Variants in DOCK2 observed in about 807,000 individuals in gnomAD.
The protein encoded by DOCK2 is dedicator of cytokinesis 2, also known as dedicator of cytokinesis protein 2.
Under a neutral mutation model 248.9 loss-of-function variants are expected in DOCK2, and 87 were observed. The observed-to-expected ratio is 0.35, with a 90% CI of 0.29 to 0.42. The LOEUF (loss-of-function observed/expected upper bound fraction) is 0.42, where lower values mean the gene tolerates loss of function less well. Among genes scored for constraint, DOCK2 ranks in the 10% least tolerant of loss-of-function variants. The probability of loss-of-function intolerance (pLI) is 1.00; values close to 1 mark genes in which losing one functional copy is unlikely to be tolerated. For synonymous variants in DOCK2, 805 were observed against 821.6 expected (o/e 0.98, Z 0.35); for missense variants, 1,747 against 2,300.2 (o/e 0.76, Z 4.92).
At chr5:169,683,192 A>T (rs1359043160) in intron 7 of DOCK2, among the ~76,000 whole-genome samples, 1 of 152,150 alleles carries the variant, frequency 6.6e-6, no homozygotes, top group Non-Finnish European at 1.5e-5. Flanking sequence ...ATAACTTTTT[A>T]AGGTATTGCC....
intron 27 of DOCK2, among the ~76,000 whole-genome samples, chr5:169,939,512 C>T (rs1457067505): frequency 6.6e-6 from 1 of 152,102 alleles, no homozygotes; most frequent in Non-Finnish European, 1.5e-5. Context: ...AAACCAGTAA[C>T]AGTCGTTTAT....
chr5:169,855,521 A>T (rs1269457794), intron 27 of DOCK2, among the ~76,000 whole-genome samples: 1 of 152,142 alleles, frequency 6.6e-6, no homozygotes, highest in African/African-American at 2.4e-5. Flanking sequence ...ATGCTCTAGG[A>T]TGGTAGTGGG....
At chr5:169,884,930 G>C (rs1260568154) in intron 27 of DOCK2, 4 of 152,172 alleles carry the variant, frequency 2.6e-5, no homozygotes, top group Non-Finnish European at 4.4e-5. Flanking sequence ...CTAGGAATAA[G>C]TCAACCACGT....
At chr5:169,909,584 A>G (rs534198692) in intron 27 of DOCK2, among the ~76,000 whole-genome samples, 1 of 152,244 alleles carries the variant, frequency 6.6e-6, no homozygotes, top group East Asian at 1.9e-4. Flanking sequence ...TTTCTTTTGG[A>G]TTAAGAAACA....
At chr5:170,080,711 G>A (rs1001506257) in intron 50 of DOCK2, 4 of 175,872 alleles carry the variant, frequency 2.3e-5, no homozygotes, top group Admixed American at 5.6e-5. Context: ...CAAAGTGTTT[G>A]GTGCATAGAT....
intron 35 of DOCK2, among the ~76,000 whole-genome samples, chr5:170,035,845 CTGGTG>C (rs1309215283): frequency 6.6e-6 from 1 of 152,074 alleles, no homozygotes; most frequent in Non-Finnish European, 1.5e-5. Context: ...GGATATACAC[CTGGTG>C]TGGCTCATGG....
In DOCK2 at chr5:169,762,735, C is replaced by G. The variant is rs75570862; in HGVS notation, c.2554+1110C>G. On this transcript the variant is annotated intron_variant, in intron 25 of 51. Coordinates refer to ENST00000520908, the MANE Select transcript of DOCK2 (RefSeq NM_004946.3). ...TTTTCTGTATCCTAAGACCCAGCCT[C>G]TCCAATTTTCAATTTCTCTATCCAC... Among the ~76,000 whole-genome samples, 39 of 152,300 alleles carry G rather than the reference C, an allele frequency of 2.6e-4. 1 individual carries two copies. In the East Asian group the frequency reaches 7.1e-3, roughly 28 times the overall value.
At chr5:170,001,167 A>G (rs2113802810) in intron 30 of DOCK2, among the ~76,000 whole-genome samples, 1 of 152,316 alleles carries the variant, frequency 6.6e-6, no homozygotes, top group East Asian at 1.9e-4. Flanking sequence ...AATCAGAAGC[A>G]TCCCCAGAGT....
At chr5:169,839,399 G>A (rs1225398816) in intron 26 of DOCK2, among the ~76,000 whole-genome samples, 5 of 152,194 alleles carry the variant, frequency 3.3e-5, no homozygotes, top group Non-Finnish European at 7.3e-5. Flanking sequence ...GAGGCTCAGA[G>A]AAGTGATAAG....
At position 169,810,186 on chromosome 5, in the gene DOCK2, T is replaced by C. The variant is rs78712675; in HGVS notation, c.2703+6980T>C. Among the ~76,000 whole-genome samples the C allele has an allele frequency of 3.4e-3, 518 of 152,168 alleles. 17 individuals are homozygous for C. The East Asian group carries it at 0.069, about 20-fold the overall frequency. The stretch of plus-strand genomic sequence containing the variant: ...TCTCCCTGGGGTCTTGTGCGCTGAG[T>C]GCTAGCAGGGTATTCTTCTTTTTGC... On this transcript the variant is annotated intron_variant, in intron 26 of 51. Coordinates refer to ENST00000520908, the MANE Select transcript of DOCK2 (RefSeq NM_004946.3).
At chr5:170,002,935 G>GA in intron 30 of DOCK2, among the ~76,000 whole-genome samples, 1 of 152,280 alleles carries the variant, frequency 6.6e-6, no homozygotes, top group Middle Eastern at 3.4e-3. Context: ...AGGGCAGAAA[G>GA]AAAAATCTGG....
At position 170,069,155 on chromosome 5, in the gene DOCK2, T is replaced by C. The variant is rs775868494; in HGVS notation, c.4663T>C (p.Tyr1555His). 6.2e-7 allele frequency: 1 copy of C among 1,613,840 alleles called. No individual in the cohort carries two copies. The highest frequency in any genetic ancestry group is 8.5e-7 in the Non-Finnish European group (1 of 1,179,898). ...KYEKAFFTEE[Y>H]VRDHPEDQDK... Reference sequence around the variant, plus strand: ...TCCCCAGGCCTTCTTCACTGAAGAGTATGTCAGGGACCACCCTGAGGACCA... The same window carrying C: ...TCCCCAGGCCTTCTTCACTGAAGAGCATGTCAGGGACCACCCTGAGGACCA... Residue 1555 changes from tyrosine (Y) to histidine (H), a missense_variant, in exon 46 of 52, where the codon TAT becomes CAT. Tyr to His is a moderately conservative substitution (Grantham distance 83). Coordinates refer to ENST00000520908, the MANE Select transcript of DOCK2 (RefSeq NM_004946.3).
In DOCK2 at chr5:169,882,217, T is replaced by C. The variant is rs564178949; in HGVS notation, c.2799+41365T>C. Reference sequence around the variant, plus strand: ...AGAGGAGGGGGATGGGGAAGTGCCTTCCTGCTATCATTTTCCCCCATCATG... The same window carrying C: ...AGAGGAGGGGGATGGGGAAGTGCCTCCCTGCTATCATTTTCCCCCATCATG... On this transcript the variant is annotated intron_variant, in intron 27 of 51. Transcript: ENST00000520908. Among the ~76,000 whole-genome samples, 7 of 152,310 alleles carry C rather than the reference T, an allele frequency of 4.6e-5. No individual in the cohort carries two copies. In the East Asian group the frequency reaches 1.2e-3, roughly 25 times the overall value.
rs570817772 is a variant in DOCK2 at position 170,054,103 on chromosome 5, A to C, written c.4214-1202A>C. ...GGTTCACAAGAGAGGGATGCTGATA[A>C]GGGAAAATGTTCCAAGGAAAGGAAG... On this transcript the variant is annotated intron_variant, in intron 41 of 51. Coordinates refer to ENST00000520908, the MANE Select transcript of DOCK2 (RefSeq NM_004946.3). 1.3e-4 allele frequency among the ~76,000 whole-genome samples: 20 copies of C among 152,358 alleles called. 1 individual carries two copies. Among genetic ancestry groups the C allele is most frequent in the South Asian group, 1.0e-3 (5 of 4,832 alleles).
At position 169,883,231 on chromosome 5, in the gene DOCK2, G is replaced by A. The variant is rs1301678165; in HGVS notation, c.2799+42379G>A. 7 of 1,551,460 alleles carry A rather than the reference G, an allele frequency of 4.5e-6. No individual in the cohort carries two copies. In the Admixed American group the frequency reaches 1.2e-4, roughly 26 times the overall value. On this transcript the variant is annotated intron_variant, in intron 27 of 51. Transcript: ENST00000520908. ...GTTACTTACTTCAGCTGACCTGTCT[G>A]GGCTGAGAGCAGACTCTCTAGCTTC... is the stretch of plus-strand genomic sequence containing the variant.
intron 41 of DOCK2, among the ~76,000 whole-genome samples, chr5:170,054,364 GA>G (rs1255534876): frequency 6.6e-6 from 1 of 152,222 alleles, no homozygotes; most frequent in East Asian, 1.9e-4. Context: ...GGAAAGGGAA[GA>G]GGGGTCAGGA....
At chr5:169,867,572 CATCT>C (rs1043231844) in intron 27 of DOCK2, among the ~76,000 whole-genome samples, 32 of 151,910 alleles carry the variant, frequency 2.1e-4, no homozygotes, top group Non-Finnish European at 4.3e-4. Context: ...TATTATCTAT[CATCT>C]ATCTGTCATC....
At chr5:169,673,541 G>A (rs1759156874) in intron 5 of DOCK2, among the ~76,000 whole-genome samples, 1 of 151,962 alleles carries the variant, frequency 6.6e-6, no homozygotes, top group Admixed American at 6.6e-5. Flanking sequence ...AAAATTTAGA[G>A]ACAGGGTCTT....
intron 26 of DOCK2, among the ~76,000 whole-genome samples, chr5:169,820,906 A>G (rs1160022045): frequency 6.6e-6 from 1 of 152,196 alleles, no homozygotes; most frequent in East Asian, 1.9e-4. Flanking sequence ...AGAATAACCA[A>G]TGCAGAGAAG....
Sources: allele counts gnomAD v4.1 joint callset (sites outside exome capture counted in the v4.1 genomes callset), GRCh38; gene constraint gnomAD v4.1.1; transcripts MANE v1.5; gene names NCBI Gene and HGNC (gene_info 2026-07-23, HGNC 2026-07-21).